Variants in MYO10 observed in about 807,000 individuals in gnomAD.
MYO10 encodes the protein myosin X, also known as unconventional myosin-X.
MYO10 carries 133 observed loss-of-function variants against 257.3 expected under a neutral mutation model. The observed-to-expected ratio is 0.52, with a 90% CI of 0.45 to 0.60. The LOEUF (loss-of-function observed/expected upper bound fraction) is 0.60, where lower values mean the gene tolerates loss of function less well. Among genes scored for constraint, MYO10 ranks in the 20% least tolerant of loss-of-function variants. The pLI, the probability that MYO10 is intolerant of heterozygous loss-of-function variation, is 0.00. For missense variants in MYO10, 2,399 were observed against 2,635.7 expected (o/e 0.91, Z 1.97); for synonymous variants, 1,104 against 1,028.6 (o/e 1.07, Z -1.40).
At chr5:16,866,900 C>T (rs553495444) in intron 2 of MYO10, among the ~76,000 whole-genome samples, 1 of 152,264 alleles carries the variant, frequency 6.6e-6, no homozygotes, top group South Asian at 2.1e-4. Context: ...CCGCTCTTCC[C>T]GGGAACCTGG....
intron 26 of MYO10, among the ~76,000 whole-genome samples, chr5:16,698,814 G>A (rs1312167886): frequency 2.7e-5 from 4 of 146,256 alleles, no homozygotes; most frequent in Non-Finnish European, 5.9e-5. Flanking sequence ...TAGTAGAGAC[G>A]GCGTTTCACT....
intron 1 of MYO10, among the ~76,000 whole-genome samples, chr5:16,918,545 C>A (rs897987803): frequency 6.7e-6 from 1 of 149,014 alleles, no homozygotes; most frequent in Non-Finnish European, 1.5e-5. Context: ...TCTTGTTGCC[C>A]AGACTGGAAT....
intron 1 of MYO10, among the ~76,000 whole-genome samples, chr5:16,931,273 A>AAAC (rs1746288232): frequency 6.6e-6 from 1 of 152,104 alleles, no homozygotes. Context: ...TTCCATCTCA[A>AAAC]AACAATAATA....
intron 2 of MYO10, among the ~76,000 whole-genome samples, chr5:16,822,678 T>C (rs1742856225): frequency 7.6e-6 from 1 of 131,084 alleles, no homozygotes; most frequent in South Asian, 2.8e-4. Flanking sequence ...TTTTTCTTTT[T>C]TATTTATTTT....
chr5:16,750,564 C>T (rs941796769), intron 19 of MYO10, among the ~76,000 whole-genome samples: 8 of 152,128 alleles, frequency 5.3e-5, no homozygotes, highest in Non-Finnish European at 7.4e-5. Flanking sequence ...CCCACTAGCC[C>T]GGCGAGTGTG....
intron 9 of MYO10, 96 bp downstream of exon 9, chr5:16,779,449 C>A: frequency 1.5e-6 from 1 of 681,838 alleles, no homozygotes; most frequent in Admixed American, 3.5e-5. Flanking sequence ...ACTTCTATTT[C>A]TATTTAAAAA....
chr5:16,917,695 AAAAAAAAAAAGG>A (rs1745861820), intron 1 of MYO10, among the ~76,000 whole-genome samples: 4 of 131,432 alleles, frequency 3.0e-5, no homozygotes, highest in Non-Finnish European at 6.9e-5. Context: ...CCATCTCTAC[AAAAAAAAAAAGG>A]AAAAAAAAAA....
chr5:16,796,246 C>CGAGA (rs59125385), intron 3 of MYO10, among the ~76,000 whole-genome samples: 3 of 117,208 alleles, frequency 2.6e-5, no homozygotes, highest in South Asian at 5.7e-4. Flanking sequence ...AGCGAGCGTG[C>CGAGA]GAGAGAGAGA....
chr5:16,825,007 G>C (rs1742959051), intron 2 of MYO10, among the ~76,000 whole-genome samples: 3 of 152,086 alleles, frequency 2.0e-5, no homozygotes, highest in Admixed American at 2.0e-4. Context: ...CCAAGTTAAG[G>C]AGGAGGAGGA....
At chr5:16,669,003 G>A (rs999183177) in intron 39 of MYO10, among the ~76,000 whole-genome samples, 1 of 152,066 alleles carries the variant, frequency 6.6e-6, no homozygotes, top group Non-Finnish European at 1.5e-5. Flanking sequence ...ATGCAGAGTG[G>A]GAACAGGGAC....
At position 16,701,485 on chromosome 5, in the gene MYO10, C is replaced by T. The variant is rs763406600; in HGVS notation, c.2910G>A (p.Glu970=). 3 of 1,613,976 alleles carry T rather than the reference C, an allele frequency of 1.9e-6. No individual in the cohort carries two copies. The highest frequency in any genetic ancestry group is 2.5e-6 in the Non-Finnish European group (3 of 1,179,886). The change falls in exon 25 of 41, where the codon GAG becomes GAA. Residue 970 remains glutamate (E), a synonymous_variant. Transcript: ENST00000513610. This position sits in a 1 kb window ranked among gnomAD's most constrained non-coding sequence, Gnocchi z 8.1. The part of the protein sequence containing the change: ...SLSVGSEFSS[E]LAESACEEKP... ...TCTCCTCGCATGCGCTCTCAGCCAG[C>T]TCGCTGGAAAATTCGCTTCCCACCG...
At chr5:16,859,982 C>G (rs970309352) in intron 2 of MYO10, among the ~76,000 whole-genome samples, 2 of 152,048 alleles carry the variant, frequency 1.3e-5, no homozygotes, top group Admixed American at 1.3e-4. Flanking sequence ...TTATCTGAAC[C>G]CAAAGACCAC....
chr5:16,869,167 G>T (rs1371632317), intron 2 of MYO10, among the ~76,000 whole-genome samples: 1 of 151,096 alleles, frequency 6.6e-6, no homozygotes, highest in African/African-American at 2.4e-5. Flanking sequence ...TGGGACTACA[G>T]GCACCCACCA....
chr5:16,765,338 G>A (rs1192669431), intron 11 of MYO10, among the ~76,000 whole-genome samples: 2 of 152,146 alleles, frequency 1.3e-5, no homozygotes, highest in South Asian at 2.1e-4. Flanking sequence ...TTTCTCCCAT[G>A]CCGGATGCTT....
chr5:16,921,216 A>T (rs1445512777), intron 1 of MYO10, among the ~76,000 whole-genome samples: 1 of 152,194 alleles, frequency 6.6e-6, no homozygotes, highest in East Asian at 1.9e-4. Context: ...GATGTAATTT[A>T]CCTTGACATA....
chr5:16,726,981 T>C (rs1186191365), intron 19 of MYO10, among the ~76,000 whole-genome samples: 3 of 152,188 alleles, frequency 2.0e-5, no homozygotes, highest in Non-Finnish European at 4.4e-5. Flanking sequence ...TACTAATCTC[T>C]TGAGTTAGAG....
chr5:16,782,727 T>C (rs1741459087), intron 5 of MYO10, among the ~76,000 whole-genome samples: 1 of 152,168 alleles, frequency 6.6e-6, no homozygotes, highest in Non-Finnish European at 1.5e-5. Flanking sequence ...TCTAAAGTCT[T>C]ATAAGGCACA....
chr5:16,774,969 G>A (rs1162545195), intron 9 of MYO10, among the ~76,000 whole-genome samples: 9 of 144,664 alleles, frequency 6.2e-5, no homozygotes, highest in Admixed American at 6.2e-4. Flanking sequence ...CATATGGTCA[G>A]GAAACCCCAG....
chr5:16,867,026 A>G (rs556887960), intron 2 of MYO10, among the ~76,000 whole-genome samples: 4 of 152,328 alleles, frequency 2.6e-5, no homozygotes, highest in South Asian at 2.1e-4. Context: ...AAGAGTTCAC[A>G]GTGAGCAGTG....
Sources: allele counts gnomAD v4.1 joint callset (sites outside exome capture counted in the v4.1 genomes callset), GRCh38; gene constraint gnomAD v4.1.1; non-coding constraint Gnocchi (gnomAD v3.1); transcripts MANE v1.5; gene names NCBI Gene and HGNC (gene_info 2026-07-23, HGNC 2026-07-21).